CRYGN: variants seen among roughly 807,000 people sequenced by gnomAD.
The protein encoded by CRYGN is crystallin gamma N.
CRYGN carries 17 observed loss-of-function variants against 19.2 expected under a neutral mutation model. The ratio of observed to expected loss-of-function variants is 0.89; its 90% CI spans 0.61 to 1.33. CRYGN has a LOEUF of 1.33. CRYGN is among the 40% of genes most tolerant of loss of function. The pLI, the probability that CRYGN is intolerant of heterozygous loss-of-function variation, is 0.00. For synonymous variants in CRYGN, 84 were observed against 85.8 expected (o/e 0.98, Z 0.12); for missense variants, 239 against 239.6 (o/e 1.00, Z 0.02).
Position 151,438,005 on chromosome 7 carries a change from A to G in CRYGN, c.261T>C (p.Pro87=), listed in dbSNP as rs1801661302. ...GGACGGGCCCACTCACCATTCCTACAGGCCGACAGGAGCCCATGTGGTCAC... is the reference window on the plus strand; with the variant it reads ...GGACGGGCCCACTCACCATTCCTACGGGCCGACAGGAGCCCATGTGGTCAC... ...SHSDHMGSCR[P]VGMHGEHFRL... is the part of the protein sequence containing the mutation. Residue 87 remains proline, a synonymous_variant, in exon 2 of 4, where the codon CCT becomes CCC. Coordinates refer to ENST00000337323, the MANE Select transcript of CRYGN (RefSeq NM_144727.3). 1 of 1,613,188 alleles carries G rather than the reference A, an allele frequency of 6.2e-7. No individual in the cohort carries two copies. The highest frequency in any genetic ancestry group is 8.5e-7 in the Non-Finnish European group (1 of 1,180,040).
chr7:151,440,550 G>C (rs1801739601), upstream of CRYGN: 1 of 153,158 alleles, frequency 6.5e-6, no homozygotes, highest in Non-Finnish European at 1.4e-5. Flanking sequence ...GCCAGGCCAG[G>C]TCAGGCCTCC....
In CRYGN at chr7:151,439,922, C is replaced by A; in HGVS notation, c.-5G>T. On this transcript the variant is annotated 5_prime_UTR_variant, in exon 1 of 4. Transcript: ENST00000337323. ...CTTCCCCGAGCGCTGCGCCATGGTGCGCCCCGCCCCTTCCGCGGGTCCCCG... is the reference window on the plus strand; with the variant it reads ...CTTCCCCGAGCGCTGCGCCATGGTGAGCCCCGCCCCTTCCGCGGGTCCCCG... 6.5e-7 allele frequency: 1 copy of A among 1,542,302 alleles called. No individual in the cohort carries two copies. The highest frequency in any genetic ancestry group is 8.7e-7 in the Non-Finnish European group (1 of 1,145,268).
rs942927752 is a variant in CRYGN at position 151,440,093 on chromosome 7, C to A, written c.-176G>T. On this transcript the variant is annotated 5_prime_UTR_variant, in exon 1 of 4. Transcript: ENST00000337323. Reference sequence around the variant, plus strand: ...ACCCGCCGCGGCCACCCTGTGCCACCGCGAGTGCAGCCCGCCCTGCCCGGG... The same window carrying A: ...ACCCGCCGCGGCCACCCTGTGCCACAGCGAGTGCAGCCCGCCCTGCCCGGG... The A allele has an allele frequency of 7.4e-7, 1 of 1,359,506 alleles. No individual in the cohort carries two copies. Among genetic ancestry groups the A allele is most frequent in the Admixed American group, 3.6e-5 (1 of 27,734 alleles). The allele number at this position is 1,359,506 out of a possible 1,614,324, so 84.2% of individuals were successfully genotyped here. A position where few individuals can be genotyped will look rare whatever the true frequency, so the allele number is the denominator to read the frequency against.
chr7:151,438,299 G>T, intron 1 of CRYGN, 55 bp from the exon 2 acceptor site: 2 of 1,537,012 alleles, frequency 1.3e-6, no homozygotes, highest in Non-Finnish European at 1.8e-6. Flanking sequence ...CGTCAGCGTT[G>T]GAGGCTGGCG....
chr7:151,434,596 T>C (rs141713062), intron 3 of CRYGN, among the ~76,000 whole-genome samples: 1 of 152,282 alleles, frequency 6.6e-6, no homozygotes, highest in Non-Finnish European at 1.5e-5. Flanking sequence ...TGGGAACTGG[T>C]TCCAGGACCT....
chr7:151,429,794 T>G lies in CRYGN; in HGVS notation c.*254A>C. 1 of 540,130 alleles carries G rather than the reference T, an allele frequency of 1.9e-6. No homozygotes were observed. The highest frequency in any genetic ancestry group is 3.3e-6 in the Non-Finnish European group (1 of 300,768). The allele number at this position is 540,130 out of a possible 1,614,324, so 33.5% of individuals were successfully genotyped here. A position where few individuals can be genotyped will look rare whatever the true frequency, so the allele number is the denominator to read the frequency against. The stretch of plus-strand genomic sequence containing the variant: ...ATCAGCTGTGGGCTGAGGTGCGAGA[T>G]TGTGGAGGCCTGAGGCCAGCAGGGT... On this transcript the variant is annotated 3_prime_UTR_variant, in exon 4 of 4. Coordinates refer to ENST00000337323, the MANE Select transcript of CRYGN (RefSeq NM_144727.3).
chr7:151,439,992 A>G lies in CRYGN; in HGVS notation c.-75T>C. 2 of 1,440,540 alleles carry G rather than the reference A, an allele frequency of 1.4e-6. No individual in the cohort carries two copies. Among genetic ancestry groups the G allele is most frequent in the Non-Finnish European group, 1.8e-6 (2 of 1,093,132 alleles). 89.2% of individuals were successfully genotyped at this position (1,440,540 alleles called of 1,614,324 possible). A position where few individuals can be genotyped will look rare whatever the true frequency, so the allele number is the denominator to read the frequency against. On this transcript the variant is annotated 5_prime_UTR_variant, in exon 1 of 4. Transcript: ENST00000337323. ...TGCTGGCTCAGCGCCGCCCCGGACA[A>G]AAGATTTGCTGGGCCGGCCCCGGAG... is the stretch of plus-strand genomic sequence containing the variant.
At chr7:151,437,697 T>C (rs1050604399) in intron 2 of CRYGN, 1 of 873,528 alleles carries the variant, frequency 1.1e-6, no homozygotes, top group Non-Finnish European at 1.7e-6. Context: ...AAATCTAAAT[T>C]TGGATGATTT....
chr7:151,439,802 T>C (rs1801715832), intron 1 of CRYGN, 95 bp downstream of exon 1: 4 of 1,292,932 alleles, frequency 3.1e-6, no homozygotes, highest in African/African-American at 1.5e-5. Context: ...CTTGGATTTG[T>C]CACCATCAAC....
rs1017142719 is a variant in CRYGN at position 151,436,138 on chromosome 7, C to T, written c.416+42G>A. 3 of 1,380,344 alleles carry T rather than the reference C, an allele frequency of 2.2e-6. No homozygotes were observed. Among genetic ancestry groups the T allele is most frequent in the African/African-American group, 1.5e-5 (1 of 67,266 alleles). The allele number at this position is 1,380,344 out of a possible 1,614,324, so 85.5% of individuals were successfully genotyped here. A position where few individuals can be genotyped will look rare whatever the true frequency, so the allele number is the denominator to read the frequency against. On this transcript the variant is annotated intron_variant, in intron 3 of 3. Transcript: ENST00000337323. The surrounding 1 kb of genome is among the most constrained non-coding windows in gnomAD (Gnocchi z 5.1). ...GCCTCCCACGCCTGGTGCTGAAGGG[C>T]CTAGCCGGGCCTCGGGGTGCGGCCA...
chr7:151,438,128 G>A lies in CRYGN; in HGVS notation c.138C>T (p.Ser46=), dbSNP rs540628684. 2.1e-5 allele frequency: 34 copies of A among 1,614,170 alleles called. No homozygotes were observed. Among genetic ancestry groups the A allele is most frequent in the South Asian group, 9.9e-5 (9 of 91,084 alleles). Residue 46 remains serine, a synonymous_variant, in exon 2 of 4, where the codon AGC becomes AGT. Transcript: ENST00000337323. ...MNRVNSIHVE[S]GAWVCFNHPD... The stretch of plus-strand genomic sequence containing the variant: ...GGTGATTGAAGCAGACCCAGGCTCC[G>A]CTCTCCACGTGGATGGAGTTCACTC...
In CRYGN at chr7:151,430,006, AGAAAC is replaced by A; in HGVS notation, c.*37_*41del. 1.2e-6 allele frequency: 1 copy of A among 815,710 alleles called. No homozygotes were observed. The highest frequency in any genetic ancestry group is 2.2e-6 in the Non-Finnish European group (1 of 450,328). 50.5% of individuals were successfully genotyped at this position (815,710 alleles called of 1,614,324 possible). A position where few individuals can be genotyped will look rare whatever the true frequency, so the allele number is the denominator to read the frequency against. ...TTTTAAGTAAACACTCTCCCGGCTCAGAAACGGTGCAGGTGCATTTACATGTCAAT... is the reference window on the plus strand; with the variant it reads ...TTTTAAGTAAACACTCTCCCGGCTCAGGTGCAGGTGCATTTACATGTCAAT... On this transcript the variant is annotated 3_prime_UTR_variant, in exon 4 of 4. Coordinates refer to ENST00000337323, the MANE Select transcript of CRYGN (RefSeq NM_144727.3). The surrounding 1 kb of genome is among the most constrained non-coding windows in gnomAD (Gnocchi z 5.2).
chr7:151,436,431 C>A lies in CRYGN; in HGVS notation c.271-106G>T. The A allele has an allele frequency of 1.0e-6, 1 of 987,120 alleles. No individual in the cohort carries two copies. The highest frequency in any genetic ancestry group is 1.4e-6 in the Non-Finnish European group (1 of 700,928). The allele number at this position is 987,120 out of a possible 1,614,324, so 61.1% of individuals were successfully genotyped here. ...AAGGAATTAGGAGGTACCCAAGGCA[C>A]TGGGCACCCCCACCCCACACACTTC... On this transcript the variant is annotated intron_variant, in intron 2 of 3. Transcript: ENST00000337323. This position sits in a 1 kb window ranked among gnomAD's most constrained non-coding sequence, Gnocchi z 5.1.
chr7:151,435,335 C>CA lies in CRYGN; in HGVS notation c.416+844dup, dbSNP rs1183708387. Among the ~76,000 whole-genome samples the CA allele has an allele frequency of 6.6e-6, 1 of 152,210 alleles. No homozygotes were observed. Among genetic ancestry groups the CA allele is most frequent in the African/African-American group, 2.4e-5 (1 of 41,448 alleles). ...GGCTTGGCTGCAGTCTCAGCTGTGCCACTCCCACGGGGCGGCCGGGCAGTC... is the reference window on the plus strand; with the variant it reads ...GGCTTGGCTGCAGTCTCAGCTGTGCCAACTCCCACGGGGCGGCCGGGCAGTC... On this transcript the variant is annotated intron_variant, in intron 3 of 3. Transcript: ENST00000337323. The surrounding 1 kb of genome is among the most constrained non-coding windows in gnomAD (Gnocchi z 4.2).
At position 151,430,226 on chromosome 7, in the gene CRYGN, A is replaced by G; in HGVS notation, c.417-46T>C. 4 of 1,605,430 alleles carry G rather than the reference A, an allele frequency of 2.5e-6. No individual in the cohort carries two copies. The highest frequency in any genetic ancestry group is 3.4e-6 in the Non-Finnish European group (4 of 1,174,462). ...GAGGTGGGGCCAGGGCATTAGGGGT[A>G]CAGAGCAGGCCTTTTGGGGACCCAT... On this transcript the variant is annotated intron_variant, in intron 3 of 3. Transcript: ENST00000337323. This position sits in a 1 kb window ranked among gnomAD's most constrained non-coding sequence, Gnocchi z 5.2.
At chr7:151,438,615 T>G (rs1801681807) in intron 1 of CRYGN, among the ~76,000 whole-genome samples, 1 of 152,200 alleles carries the variant, frequency 6.6e-6, no homozygotes, top group South Asian at 2.1e-4. Context: ...ATAAAGCCGA[T>G]AATAACATTA....
chr7:151,437,281 G>A (rs75484202), intron 2 of CRYGN, among the ~76,000 whole-genome samples: 3,546 of 152,252 alleles, frequency 0.023, 134 homozygotes, highest in African/African-American at 0.081. Context: ...AGACATAAGC[G>A]AGACGCTCTG....
intron 3 of CRYGN, chr7:151,432,321 G>C (rs1252934678): frequency 3.4e-6 from 4 of 1,163,734 alleles, no homozygotes; most frequent in Admixed American, 4.2e-5. Context: ...GGGGCTGCCA[G>C]GAAGTCCCCC....
rs1801727111 is a variant in CRYGN, at chr7:151,440,118, G to T, written c.-201C>A. ...CGCGAGTGCAGCCCGCCCTGCCCGG[G>T]GTCTCCCTGTGCTCTCCGCGTTTAG... On this transcript the variant is annotated 5_prime_UTR_variant, in exon 1 of 4. Transcript: ENST00000337323. 2 of 1,360,222 alleles carry T rather than the reference G, an allele frequency of 1.5e-6. No homozygotes were observed. Among genetic ancestry groups the T allele is most frequent in the Non-Finnish European group, 1.9e-6 (2 of 1,061,170 alleles). The allele number at this position is 1,360,222 out of a possible 1,614,324, so 84.3% of individuals were successfully genotyped here.
Sources: gnomAD v4.1 joint callset for allele counts (sites outside exome capture counted in the v4.1 genomes callset) on GRCh38, gnomAD v4.1.1 for gene constraint, Gnocchi (gnomAD v3.1) non-coding constraint, MANE v1.5 for transcripts, NCBI Gene and HGNC (gene_info 2026-07-23, HGNC 2026-07-21) for gene names.